Variants in DLGAP1 observed in about 807,000 individuals in gnomAD.
DLGAP1 encodes the protein DLG associated protein 1.
In DLGAP1, 11 loss-of-function variants were observed where a neutral mutation model predicts 90.8. The ratio of observed to expected loss-of-function variants is 0.12; its 90% CI spans 0.08 to 0.20. The LOEUF is 0.20. Among genes scored for constraint, DLGAP1 ranks in the 10% least tolerant of loss-of-function variants. DLGAP1 has a pLI of 1.00. For missense variants in DLGAP1, 1,050 were observed against 1,333.8 expected (o/e 0.79, Z 3.31); for synonymous variants, 558 against 540.7 (o/e 1.03, Z -0.44).
chr18:3,622,262 G>A (rs970296215), intron 7 of DLGAP1, among the ~76,000 whole-genome samples: 1 of 151,808 alleles, frequency 6.6e-6, no homozygotes, highest in South Asian at 2.1e-4. Context: ...CCACCAACAC[G>A]CCCGGCTAAT....
chr18:4,434,958 A>G (rs1412372720), intron 1 of DLGAP1, among the ~76,000 whole-genome samples: 1 of 152,254 alleles, frequency 6.6e-6, no homozygotes, highest in Admixed American at 6.5e-5. Flanking sequence ...TTAAGGCTGG[A>G]AAATTATACT....
At chr18:3,707,767 T>C (rs2061481512) in intron 7 of DLGAP1, among the ~76,000 whole-genome samples, 1 of 152,138 alleles carries the variant, frequency 6.6e-6, no homozygotes, top group South Asian at 2.1e-4. Flanking sequence ...GCAAGGATTA[T>C]GTCTGCCTGA....
chr18:4,403,540 G>A (rs925715510), intron 1 of DLGAP1, among the ~76,000 whole-genome samples: 9 of 151,950 alleles, frequency 5.9e-5, no homozygotes, highest in Admixed American at 6.6e-5. Context: ...TTTAAATTAC[G>A]CACAAAAATT....
chr18:3,569,606 A>C (rs1288426443), intron 8 of DLGAP1, among the ~76,000 whole-genome samples: 3 of 151,774 alleles, frequency 2.0e-5, no homozygotes, highest in Non-Finnish European at 4.4e-5. Flanking sequence ...TTATGCTTTC[A>C]TGTTATCTTT....
At position 4,378,493 on chromosome 18, in the gene DLGAP1, T is replaced by C. The variant is rs1418960042; in HGVS notation, c.-267+76513A>G. ...TAGGTTTGATTGTCTTATTGGTAAGTAGGTTTGATACCTTGAGACGAAATA... is the reference window on the plus strand; with the variant it reads ...TAGGTTTGATTGTCTTATTGGTAAGCAGGTTTGATACCTTGAGACGAAATA... On this transcript the variant is annotated intron_variant, in intron 1 of 12. Coordinates refer to ENST00000315677, the MANE Select transcript of DLGAP1 (RefSeq NM_004746.4). The surrounding 1 kb of genome is among the most constrained non-coding windows in gnomAD (Gnocchi z 4.5). Among the ~76,000 whole-genome samples the C allele has an allele frequency of 6.6e-6, 1 of 152,150 alleles. No individual in the cohort carries two copies. The highest frequency in any genetic ancestry group is 2.4e-5 in the African/African-American group (1 of 41,446).
intron 7 of DLGAP1, among the ~76,000 whole-genome samples, chr18:3,690,454 C>T (rs1350101145): frequency 1.3e-5 from 2 of 152,012 alleles, no homozygotes; most frequent in Non-Finnish European, 2.9e-5. Context: ...CCTGAAAAAG[C>T]CTTTGGGGAT....
intron 7 of DLGAP1, among the ~76,000 whole-genome samples, chr18:3,633,471 G>C (rs539003721): frequency 6.6e-6 from 1 of 151,728 alleles, no homozygotes; most frequent in African/African-American, 2.4e-5. Context: ...TGCTTTGCAT[G>C]CTTCCCTCAG....
chr18:3,781,374 AC>A (rs1199913320), intron 5 of DLGAP1, among the ~76,000 whole-genome samples: 2 of 145,566 alleles, frequency 1.4e-5, no homozygotes, highest in Non-Finnish European at 3.0e-5. Context: ...TTTTTGAGAT[AC>A]AGTCTTGCTC....
At chr18:3,892,563 G>A (rs1455532059) in intron 3 of DLGAP1, among the ~76,000 whole-genome samples, 1 of 152,084 alleles carries the variant, frequency 6.6e-6, no homozygotes, top group Non-Finnish European at 1.5e-5. Flanking sequence ...GAGATGATAG[G>A]CTTCATCTAA....
intron 3 of DLGAP1, among the ~76,000 whole-genome samples, chr18:3,943,551 G>A (rs755769464): frequency 2.7e-5 from 4 of 149,126 alleles, no homozygotes; most frequent in Non-Finnish European, 4.4e-5. Flanking sequence ...TTTGCAAATC[G>A]GTAGAACTGG....
chr18:4,050,008 C>T (rs7239902), intron 2 of DLGAP1, among the ~76,000 whole-genome samples: 1 of 152,102 alleles, frequency 6.6e-6, no homozygotes, highest in African/African-American at 2.4e-5. Context: ...TACTCTTTGC[C>T]AGCCTCTGTG....
At chr18:3,703,792 T>G (rs1473705395) in intron 7 of DLGAP1, among the ~76,000 whole-genome samples, 1 of 152,218 alleles carries the variant, frequency 6.6e-6, no homozygotes, top group Non-Finnish European at 1.5e-5. Context: ...ACGGTTGACA[T>G]GCATTCTTTC....
intron 9 of DLGAP1, among the ~76,000 whole-genome samples, chr18:3,555,774 G>A (rs111641308): frequency 6.6e-6 from 1 of 151,854 alleles, no homozygotes; most frequent in Non-Finnish European, 1.5e-5. Context: ...CACACCATTG[G>A]ACTCTAGCCT....
chr18:4,234,015 C>T (rs1456466893), intron 1 of DLGAP1, among the ~76,000 whole-genome samples: 1 of 151,814 alleles, frequency 6.6e-6, no homozygotes, highest in Non-Finnish European at 1.5e-5. Context: ...ACTTCTGACT[C>T]AGTTTGAGCA....
chr18:3,507,172 C>T (rs2050274768), intron 11 of DLGAP1, among the ~76,000 whole-genome samples: 1 of 151,964 alleles, frequency 6.6e-6, no homozygotes, highest in African/African-American at 2.4e-5. Context: ...TGTATTTCTC[C>T]TTGTTAACAA....
intron 1 of DLGAP1, among the ~76,000 whole-genome samples, chr18:4,289,235 A>G (rs2145494188): frequency 6.6e-6 from 1 of 152,266 alleles, no homozygotes. Context: ...GTGTTTGTCT[A>G]GGGTGGAAGG....
At chr18:3,640,624 C>T (rs1018871164) in intron 7 of DLGAP1, among the ~76,000 whole-genome samples, 1 of 152,222 alleles carries the variant, frequency 6.6e-6, no homozygotes, top group African/African-American at 2.4e-5. Flanking sequence ...TAATCTGATC[C>T]TGTGCTCTTC....
chr18:4,060,502 C>G (rs2075284035), intron 2 of DLGAP1, among the ~76,000 whole-genome samples: 2 of 152,190 alleles, frequency 1.3e-5, no homozygotes, highest in South Asian at 4.1e-4. Context: ...ACAGTCCTGC[C>G]TCGGAGGTTT....
intron 3 of DLGAP1, among the ~76,000 whole-genome samples, chr18:3,979,506 G>GT (rs745762415): frequency 1.3e-5 from 2 of 152,140 alleles, no homozygotes; most frequent in Non-Finnish European, 2.9e-5. Flanking sequence ...TTTGAAAAGC[G>GT]TATCTCTTAG....
Sources: allele counts gnomAD v4.1 joint callset (sites outside exome capture counted in the v4.1 genomes callset), GRCh38; gene constraint gnomAD v4.1.1; non-coding constraint Gnocchi (gnomAD v3.1); transcripts MANE v1.5; gene names NCBI Gene and HGNC (gene_info 2026-07-23, HGNC 2026-07-21).